The following RHBDD1 variants were observed in gnomAD, a reference collection of about 807,000 sequenced individuals.
The protein encoded by RHBDD1 is rhomboid domain containing 1.
Under a neutral mutation model 36.3 loss-of-function variants are expected in RHBDD1, and 38 were observed. That is an observed-to-expected ratio of 1.05 (90% CI 0.81 to 1.37). RHBDD1 has a LOEUF of 1.37. Among genes scored for constraint, RHBDD1 ranks in the 40% most tolerant of loss-of-function variants. RHBDD1 has a pLI of 0.00. For missense variants in RHBDD1, 393 were observed against 377.6 expected (o/e 1.04, Z -0.34); for synonymous variants, 151 against 136.5 (o/e 1.11, Z -0.74).
At chr2:226,871,625 G>A (rs1574893298) in intron 5 of RHBDD1, among the ~76,000 whole-genome samples, 1 of 152,066 alleles carries the variant, frequency 6.6e-6, no homozygotes, top group Non-Finnish European at 1.5e-5. Context: ...CAGATCTCTC[G>A]TTTTATAGAA....
At chr2:226,916,281 C>T (rs962791173) in intron 8 of RHBDD1, among the ~76,000 whole-genome samples, 1 of 152,150 alleles carries the variant, frequency 6.6e-6, no homozygotes, top group Non-Finnish European at 1.5e-5. Context: ...AGAATTGTAG[C>T]CATTTTTGTA....
chr2:226,898,938 A>G (rs546055986), intron 5 of RHBDD1, among the ~76,000 whole-genome samples: 1 of 152,298 alleles, frequency 6.6e-6, no homozygotes, highest in Non-Finnish European at 1.5e-5. Flanking sequence ...TGCGTCCTTA[A>G]TGAGGTCATT....
intron 4 of RHBDD1, among the ~76,000 whole-genome samples, chr2:226,866,979 C>G (rs1373147071): frequency 6.6e-6 from 1 of 152,114 alleles, no homozygotes; most frequent in Non-Finnish European, 1.5e-5. Flanking sequence ...CCAATATGAA[C>G]TTCTATATTT....
chr2:226,956,734 C>T (rs943091696), intron 8 of RHBDD1, among the ~76,000 whole-genome samples: 2 of 152,174 alleles, frequency 1.3e-5, no homozygotes, highest in Non-Finnish European at 1.5e-5. Context: ...ACAAAAGCTG[C>T]AGCAAGTGAT....
chr2:226,890,004 G>C (rs534409745), intron 5 of RHBDD1, among the ~76,000 whole-genome samples: 1 of 152,262 alleles, frequency 6.6e-6, no homozygotes, highest in East Asian at 1.9e-4. Flanking sequence ...GCTGAAGTCT[G>C]TGTCTGGCTG....
Position 226,910,116 on chromosome 2 carries a change from CA to C in RHBDD1, c.712+1240del, listed in dbSNP as rs138907107. Among the ~76,000 whole-genome samples the C allele has an allele frequency of 2.6e-3, 402 of 152,258 alleles. 1 individual carries two copies. Among genetic ancestry groups the C allele is most frequent in the African/African-American group, 8.6e-3 (357 of 41,552 alleles). ...TAAGGATATGAGATTGACACTCTGC[CA>C]ATTTAACCTTACAAAATAGGGCAGT... On this transcript the variant is annotated intron_variant, in intron 7 of 8. Coordinates refer to ENST00000392062, the MANE Select transcript of RHBDD1 (RefSeq NM_001167608.3).
At chr2:226,812,708 C>A in the RHBDD1 span, among the ~76,000 whole-genome samples, 1 of 151,560 alleles carries the variant, frequency 6.6e-6, no homozygotes, top group African/African-American at 2.4e-5. Context: ...GAATGGCAAA[C>A]AAGATATCTT....
intron 8 of RHBDD1, among the ~76,000 whole-genome samples, chr2:226,958,497 A>G (rs1353538400): frequency 6.6e-6 from 1 of 152,236 alleles, no homozygotes; most frequent in African/African-American, 2.4e-5. Context: ...TGTGAATATC[A>G]TAAAAAGCAT....
At chr2:226,813,836 A>G in the RHBDD1 span, among the ~76,000 whole-genome samples, 264 of 152,338 alleles carry the variant, frequency 1.7e-3, 1 homozygote, top group African/African-American at 6.2e-3. Context: ...CCACCCATTA[A>G]TACCTGACTC....
the RHBDD1 span, among the ~76,000 whole-genome samples, chr2:226,805,424 G>A: frequency 2.6e-5 from 4 of 152,264 alleles, no homozygotes; most frequent in South Asian, 6.2e-4. Flanking sequence ...TGTTGGCCAG[G>A]CTAGTCTTGA....
chr2:226,927,442 C>T (rs988678071), intron 8 of RHBDD1, among the ~76,000 whole-genome samples: 3 of 151,402 alleles, frequency 2.0e-5, no homozygotes, highest in South Asian at 2.1e-4. Context: ...TAAAAATTTA[C>T]GTACCGGAAT....
chr2:226,968,705 A>C (rs1005131483), intron 8 of RHBDD1, among the ~76,000 whole-genome samples: 2 of 152,180 alleles, frequency 1.3e-5, no homozygotes, highest in African/African-American at 4.8e-5. Flanking sequence ...GGGAATTTTT[A>C]AGTGGGGCAG....
intron 8 of RHBDD1, among the ~76,000 whole-genome samples, chr2:226,937,858 T>A (rs1482138282): frequency 2.0e-5 from 3 of 152,168 alleles, no homozygotes; most frequent in African/African-American, 7.2e-5. Flanking sequence ...GGCATTTGGG[T>A]TGATACCATG....
intron 3 of RHBDD1, among the ~76,000 whole-genome samples, chr2:226,847,224 A>G (rs1215987728): frequency 6.6e-6 from 1 of 152,248 alleles, no homozygotes; most frequent in Non-Finnish European, 1.5e-5. Flanking sequence ...ATTTCAAAAC[A>G]AGCATTATAG....
chr2:226,815,154 T>C, the RHBDD1 span, among the ~76,000 whole-genome samples: 6 of 152,212 alleles, frequency 3.9e-5, no homozygotes, highest in African/African-American at 1.2e-4. Context: ...ACTTTCCAAG[T>C]ATAAATGGCC....
At chr2:226,957,588 GAAA>G (rs1419772060) in intron 8 of RHBDD1, among the ~76,000 whole-genome samples, 1 of 149,872 alleles carries the variant, frequency 6.7e-6, no homozygotes, top group African/African-American at 2.5e-5. Context: ...AAAGAAGAAG[GAAA>G]AAAAAAGTAG....
the RHBDD1 span, among the ~76,000 whole-genome samples, chr2:226,825,899 CTAT>C: frequency 1.3e-5 from 2 of 152,074 alleles, no homozygotes; most frequent in Admixed American, 6.6e-5. Context: ...AAAATGGTCA[CTAT>C]TATTATTAAG....
intron 5 of RHBDD1, chr2:226,895,737 C>T: frequency 4.1e-6 from 4 of 985,214 alleles, no homozygotes; most frequent in Non-Finnish European, 4.8e-6. Flanking sequence ...TGACTTTCAT[C>T]CAGAGCACTA....
the RHBDD1 span, among the ~76,000 whole-genome samples, chr2:226,826,737 A>T: frequency 6.6e-6 from 1 of 151,534 alleles, no homozygotes; most frequent in Non-Finnish European, 1.5e-5. Context: ...AGCCAGGATG[A>T]TCTCAATCTC....
Sources: allele counts gnomAD v4.1 joint callset (sites outside exome capture counted in the v4.1 genomes callset), GRCh38; gene constraint gnomAD v4.1.1; transcripts MANE v1.5; gene names NCBI Gene and HGNC (gene_info 2026-07-23, HGNC 2026-07-21).